Variants in RAP1GDS1 observed in about 807,000 individuals in gnomAD.
The protein encoded by RAP1GDS1 is Rap1 GTPase-GDP dissociation stimulator 1.
RAP1GDS1 carries 35 observed loss-of-function variants against 71.1 expected under a neutral mutation model. The ratio of observed to expected loss-of-function variants is 0.49; its 90% confidence interval spans 0.38 to 0.65. The LOEUF is 0.65. RAP1GDS1 is among the 30% of genes least tolerant of loss of function. The pLI is 0.00. For missense variants in RAP1GDS1, 663 were observed against 706.1 expected (o/e 0.94, Z 0.69); for synonymous variants, 229 against 243.1 (o/e 0.94, Z 0.54).
chr4:98,348,875 T>C (rs1310596782), intron 3 of RAP1GDS1, among the ~76,000 whole-genome samples: 3 of 152,220 alleles, frequency 2.0e-5, no homozygotes, highest in African/African-American at 7.2e-5. Context: ...TAGCCGTTTG[T>C]CAGATGAGTA....
intron 2 of RAP1GDS1, among the ~76,000 whole-genome samples, chr4:98,316,610 G>A (rs1730977396): frequency 6.6e-6 from 1 of 151,960 alleles, no homozygotes; most frequent in East Asian, 1.9e-4. Context: ...TGAGAATGGG[G>A]GAAATACAAT....
chr4:98,378,863 TTG>T lies in RAP1GDS1; in HGVS notation c.362-152_362-151del, dbSNP rs1420365875. On this transcript the variant is annotated intron_variant, in intron 4 of 14. Coordinates refer to ENST00000408927, the MANE Select transcript of RAP1GDS1 (RefSeq NM_001100427.2). ...ACCCCCATTTCCATGTTTATTTCTT[TTG>T]TTTTTTTCTGAAAAGACATATTTAA... Among the ~76,000 whole-genome samples the T allele has an allele frequency of 4.6e-5, 7 of 150,812 alleles. 1 individual carries two copies. Among genetic ancestry groups the T allele is most frequent in the African/African-American group, 1.7e-4 (7 of 40,274 alleles).
At chr4:98,262,658 G>T (rs1348320618) in intron 1 of RAP1GDS1, among the ~76,000 whole-genome samples, 2 of 152,184 alleles carry the variant, frequency 1.3e-5, no homozygotes, top group Non-Finnish European at 2.9e-5. Context: ...GCATCTGTCA[G>T]CTGGGACTTT....
At chr4:98,368,598 A>G (rs1480079320) in intron 4 of RAP1GDS1, among the ~76,000 whole-genome samples, 3 of 152,196 alleles carry the variant, frequency 2.0e-5, no homozygotes, top group African/African-American at 4.8e-5. Flanking sequence ...AGTGAGATCA[A>G]TTGCATTATT....
chr4:98,310,820 G>C (rs956208531), intron 2 of RAP1GDS1, among the ~76,000 whole-genome samples: 1 of 150,766 alleles, frequency 6.6e-6, no homozygotes, highest in Non-Finnish European at 1.5e-5. Context: ...AAAAAAAAAA[G>C]ATTTAATTTT....
intron 4 of RAP1GDS1, among the ~76,000 whole-genome samples, chr4:98,359,140 C>T (rs1488101096): frequency 6.6e-6 from 1 of 151,900 alleles, no homozygotes; most frequent in East Asian, 1.9e-4. Context: ...AATTTTTTCT[C>T]CCTCCAAATT....
chr4:98,419,513 C>T (rs1748497314), intron 10 of RAP1GDS1, among the ~76,000 whole-genome samples: 1 of 152,046 alleles, frequency 6.6e-6, no homozygotes, highest in African/African-American at 2.4e-5. Flanking sequence ...ATGGAAAATA[C>T]AACAAAAGAT....
intron 1 of RAP1GDS1, among the ~76,000 whole-genome samples, chr4:98,289,119 T>C (rs1453963441): frequency 6.6e-6 from 1 of 152,278 alleles, no homozygotes; most frequent in Non-Finnish European, 1.5e-5. Context: ...ACTGTAGATA[T>C]GTCACCTACC....
chr4:98,386,148 A>T (rs1477532048), intron 5 of RAP1GDS1, among the ~76,000 whole-genome samples: 1 of 151,866 alleles, frequency 6.6e-6, no homozygotes, highest in Non-Finnish European at 1.5e-5. Flanking sequence ...TATCTATAGA[A>T]TTTTTTTGTA....
intron 4 of RAP1GDS1, among the ~76,000 whole-genome samples, chr4:98,366,984 G>C (rs533595862): frequency 6.6e-6 from 1 of 152,166 alleles, no homozygotes; most frequent in Admixed American, 6.5e-5. Context: ...AGAAATCTGC[G>C]TAAGGAGGAA....
chr4:98,311,555 C>T lies in RAP1GDS1; in HGVS notation c.112+18040C>T, dbSNP rs78442001. Among the ~76,000 whole-genome samples, 583 of 152,214 alleles carry T rather than the reference C, an allele frequency of 3.8e-3. 6 individuals carry two copies. Among genetic ancestry groups the T allele is most frequent in the African/African-American group, 0.013 (556 of 41,540 alleles). Reference sequence around the variant, plus strand: ...TGTGACATTGGAGAGAGATCTTTTACTTAAAGTATTTGCTTTTTCTTATTT... The same window carrying T: ...TGTGACATTGGAGAGAGATCTTTTATTTAAAGTATTTGCTTTTTCTTATTT... On this transcript the variant is annotated intron_variant, in intron 2 of 14. Transcript: ENST00000408927.
chr4:98,350,150 T>G (rs567759792), intron 3 of RAP1GDS1, among the ~76,000 whole-genome samples: 15 of 152,336 alleles, frequency 9.8e-5, no homozygotes, highest in Non-Finnish European at 1.8e-4. Flanking sequence ...GTCCAAATTT[T>G]GAAAGATTGG....
At chr4:98,397,701 G>T (rs1443297930) in intron 6 of RAP1GDS1, among the ~76,000 whole-genome samples, 4 of 152,032 alleles carry the variant, frequency 2.6e-5, no homozygotes, top group Admixed American at 6.6e-5. Flanking sequence ...AAGATTTCTA[G>T]ACCCTCTTTC....
intron 6 of RAP1GDS1, among the ~76,000 whole-genome samples, chr4:98,402,001 C>T (rs1180413044): frequency 6.6e-6 from 1 of 152,218 alleles, no homozygotes; most frequent in Non-Finnish European, 1.5e-5. Flanking sequence ...ATCCATCTCA[C>T]TTGGACAATT....
chr4:98,382,585 T>C (rs1742171981), intron 5 of RAP1GDS1, among the ~76,000 whole-genome samples: 1 of 151,622 alleles, frequency 6.6e-6, no homozygotes, highest in African/African-American at 2.4e-5. Context: ...TTTAATCTCA[T>C]TAGTTTGTTA....
intron 7 of RAP1GDS1, among the ~76,000 whole-genome samples, chr4:98,414,503 T>G (rs2110177095): frequency 6.7e-6 from 1 of 150,372 alleles, no homozygotes; most frequent in Non-Finnish European, 1.5e-5. Context: ...TTTTCTCAGG[T>G]TTGTCAAAGA....
chr4:98,297,969 G>T (rs1728029397), intron 2 of RAP1GDS1, among the ~76,000 whole-genome samples: 1 of 152,184 alleles, frequency 6.6e-6, no homozygotes, highest in African/African-American at 2.4e-5. Context: ...CTACTCCACT[G>T]AAAACATGAA....
chr4:98,419,888 G>A, intron 10 of RAP1GDS1, 131 bp from the exon 11 acceptor site: 9 of 993,736 alleles, frequency 9.1e-6, no homozygotes, highest in South Asian at 2.7e-5. Context: ...TGACAAAAAA[G>A]TGACAAGATT....
intron 2 of RAP1GDS1, among the ~76,000 whole-genome samples, chr4:98,320,504 G>A (rs1188382217): frequency 4.6e-5 from 7 of 152,204 alleles, no homozygotes; most frequent in Non-Finnish European, 1.0e-4. Context: ...CGCAGAAGAC[G>A]GGTGATTTCT....
Sources: gnomAD v4.1 joint callset for allele counts (sites outside exome capture counted in the v4.1 genomes callset) on GRCh38, gnomAD v4.1.1 for gene constraint, MANE v1.5 for transcripts, NCBI Gene and HGNC (gene_info 2026-07-23, HGNC 2026-07-21) for gene names.